Variants in MYO16 observed in about 807,000 individuals in gnomAD.
MYO16 encodes the protein unconventional myosin-XVI.
In MYO16, 94 loss-of-function variants were observed where a neutral mutation model predicts 205.3. That is an observed-to-expected ratio of 0.46 (90% CI 0.39 to 0.54). The LOEUF (loss-of-function observed/expected upper bound fraction) is 0.54. MYO16 is among the 20% of genes least tolerant of loss of function. The pLI is 0.00. For synonymous variants in MYO16, 988 were observed against 954.0 expected (o/e 1.04, Z -0.66); for missense variants, 2,315 against 2,387.5 (o/e 0.97, Z 0.63).
At chr13:108,537,588 G>C in the MYO16 span, among the ~76,000 whole-genome samples, 1 of 152,068 alleles carries the variant, frequency 6.6e-6, no homozygotes, top group Admixed American at 6.6e-5. Context: ...GTTTTCCATA[G>C]AGGTTGTACT....
intron 7 of MYO16, among the ~76,000 whole-genome samples, chr13:108,808,794 A>T (rs1009577192): frequency 7.2e-5 from 11 of 152,182 alleles, no homozygotes; most frequent in East Asian, 1.9e-4. Context: ...TTTAACAATT[A>T]AAAAAACCCT....
intron 4 of MYO16, among the ~76,000 whole-genome samples, chr13:108,758,362 T>A (rs1318105746): frequency 6.6e-6 from 1 of 152,172 alleles, no homozygotes; most frequent in Non-Finnish European, 1.5e-5. Context: ...GAGGTATGTG[T>A]CCCCTAGGTA....
the MYO16 span, among the ~76,000 whole-genome samples, chr13:108,503,078 A>G: frequency 6.6e-6 from 1 of 152,216 alleles, no homozygotes; most frequent in Non-Finnish European, 1.5e-5. Context: ...GAGTTTGCTA[A>G]AGCTATAGAT....
chr13:108,869,731 T>TAAAAAAAAA (rs68025820), intron 12 of MYO16, among the ~76,000 whole-genome samples: 28 of 67,014 alleles, frequency 4.2e-4, no homozygotes, highest in African/African-American at 1.0e-3. Flanking sequence ...ACTCCGTTTC[T>TAAAAAAAAA]AAAAAAAAAA....
At chr13:109,038,184 T>A (rs1886772944) in intron 23 of MYO16, among the ~76,000 whole-genome samples, 1 of 152,246 alleles carries the variant, frequency 6.6e-6, no homozygotes, top group Non-Finnish European at 1.5e-5. Flanking sequence ...TTGTGATGAT[T>A]AACTTATGTG....
At chr13:108,729,698 C>A (rs1337667040) in intron 4 of MYO16, among the ~76,000 whole-genome samples, 1 of 152,158 alleles carries the variant, frequency 6.6e-6, no homozygotes. Flanking sequence ...TCCATTTCCT[C>A]AATGCAAATG....
At position 108,856,875 on chromosome 13, in the gene MYO16, G is replaced by C. The variant is rs111991807; in HGVS notation, c.1359+1322G>C. 2.7e-3 allele frequency among the ~76,000 whole-genome samples: 406 copies of C among 152,250 alleles called. 1 individual carries two copies. Among genetic ancestry groups the C allele is most frequent in the African/African-American group, 8.8e-3 (365 of 41,554 alleles). On this transcript the variant is annotated intron_variant, in intron 11 of 34. Transcript: ENST00000457511. ...TTCAATCCAATCTCACAATGAACTAGAGTAAGTTTTATAAAGCACAAATGT... is the reference window on the plus strand; with the variant it reads ...TTCAATCCAATCTCACAATGAACTACAGTAAGTTTTATAAAGCACAAATGT...
chr13:108,971,373 A>G (rs1420485327), intron 20 of MYO16, among the ~76,000 whole-genome samples: 3 of 148,970 alleles, frequency 2.0e-5, no homozygotes, highest in Non-Finnish European at 4.5e-5. Context: ...ATATATATAT[A>G]TACACATATA....
At chr13:109,167,763 T>G (rs77731911) in intron 33 of MYO16, among the ~76,000 whole-genome samples, 1,770 of 152,232 alleles carry the variant, frequency 0.012, 37 homozygotes, top group African/African-American at 0.04. Context: ...ATATGTACTA[T>G]CTTCGAAAAG....
chr13:108,920,323 C>G (rs1047927750), intron 16 of MYO16, among the ~76,000 whole-genome samples: 5 of 149,440 alleles, frequency 3.3e-5, no homozygotes, highest in African/African-American at 1.2e-4. Flanking sequence ...TCCTTCCTTC[C>G]TTCTTTCCCT....
the MYO16 span, among the ~76,000 whole-genome samples, chr13:108,563,927 C>G: frequency 6.6e-6 from 1 of 152,320 alleles, no homozygotes; most frequent in Non-Finnish European, 1.5e-5. Flanking sequence ...AAACTGCTCT[C>G]CATAGTATTT....
Position 109,019,920 on chromosome 13 carries a change from C to A in MYO16, c.2796+9C>A, listed in dbSNP as rs780714976. The A allele has an allele frequency of 6.2e-7, 1 of 1,612,780 alleles. No individual in the cohort carries two copies. The highest frequency in any genetic ancestry group is 8.5e-7 in the Non-Finnish European group (1 of 1,179,360). On this transcript the variant is annotated intron_variant, in intron 23 of 34. Coordinates refer to ENST00000457511, the MANE Select transcript of MYO16 (RefSeq NM_001198950.3). ...TGCACTACGCAGGAAGGGTAAGTGG[C>A]CAGAACTGCATAATTTTTCATGTGC... is the stretch of plus-strand genomic sequence containing the variant.
rs137956492 is a variant in MYO16 at position 109,125,300 on chromosome 13, G to T, written c.3724G>T (p.Ala1242Ser). 3 of 1,614,072 alleles carry T rather than the reference G, an allele frequency of 1.9e-6. No individual in the cohort carries two copies. The African/African-American group carries it at 4.0e-5, about 22-fold the overall frequency. The change falls in exon 30 of 35, where the codon GCT (alanine) becomes TCT (serine). Residue 1242 changes from alanine (A) to serine (S), a missense_variant. Ala to Ser is a moderately conservative substitution (Grantham distance 99). Around this residue, in one of 3 missense-constraint regions of MYO16, gnomAD observed 1,097 missense variants for 1,092.0 expected, o/e 1.00. Transcript: ENST00000457511. This position sits in a 1 kb window ranked among gnomAD's most constrained non-coding sequence, Gnocchi z 4.0. ...TGACCGGCTCCGTAGTGAAATGAAC[G>T]CTCCCTACCATAAAGAGAAGTTAGA... Reference protein sequence around the residue: ...ENDRLRSEMNAPYHKEKLEVR... With the variant: ...ENDRLRSEMNSPYHKEKLEVR...
intron 15 of MYO16, among the ~76,000 whole-genome samples, chr13:108,899,128 A>AT (rs1340514159): frequency 9.2e-5 from 14 of 152,222 alleles, no homozygotes; most frequent in Non-Finnish European, 1.9e-4. Flanking sequence ...AATAACATGC[A>AT]TAAAAACAGT....
At chr13:108,963,867 T>G (rs943091215) in intron 19 of MYO16, among the ~76,000 whole-genome samples, 1 of 152,142 alleles carries the variant, frequency 6.6e-6, no homozygotes, top group Non-Finnish European at 1.5e-5. Context: ...TCTAGGAACG[T>G]CAATTTCACA....
chr13:108,895,548 A>G (rs1234225203), intron 14 of MYO16, among the ~76,000 whole-genome samples: 1 of 152,194 alleles, frequency 6.6e-6, no homozygotes, highest in Non-Finnish European at 1.5e-5. Context: ...TTGTAGTTTT[A>G]TATTCGTTTC....
At chr13:108,905,382 G>A (rs1880917802) in intron 15 of MYO16, among the ~76,000 whole-genome samples, 1 of 152,160 alleles carries the variant, frequency 6.6e-6, no homozygotes, top group Non-Finnish European at 1.5e-5. Context: ...CCTCTGCAAA[G>A]GAGCCAGTGC....
upstream of MYO16, among the ~76,000 whole-genome samples, chr13:108,627,026 C>T (rs1186390213): frequency 6.8e-6 from 1 of 147,200 alleles, no homozygotes; most frequent in Non-Finnish European, 1.5e-5. Context: ...TCTGACCACC[C>T]AACAGTGAGT....
the MYO16 span, among the ~76,000 whole-genome samples, chr13:108,577,863 C>T: frequency 6.6e-6 from 1 of 152,004 alleles, no homozygotes; most frequent in African/African-American, 2.4e-5. Flanking sequence ...CCCCTTTTAC[C>T]CCACCCCGAT....
Sources: gnomAD v4.1 joint callset for allele counts (sites outside exome capture counted in the v4.1 genomes callset) on GRCh38, gnomAD v4.1.1 for gene constraint, gnomAD v4.1.1 regional missense constraint, Gnocchi (gnomAD v3.1) non-coding constraint, MANE v1.5 for transcripts, NCBI Gene and HGNC (gene_info 2026-07-23, HGNC 2026-07-21) for gene names.